NAALADL2: variants seen among roughly 807,000 people sequenced by gnomAD.
NAALADL2 encodes N-acetylated alpha-linked acidic dipeptidase like 2.
A neutral mutation model predicts 87.2 loss-of-function variants in NAALADL2; 76 were observed. The observed-to-expected ratio is 0.87, with a 90% CI of 0.72 to 1.05. The LOEUF is 1.05. Ranked by LOEUF, NAALADL2 falls within the 50% of genes least tolerant of loss-of-function variation. The pLI, the probability that NAALADL2 is intolerant of heterozygous loss-of-function variation, is 0.00. For missense variants in NAALADL2, 1,089 were observed against 945.8 expected (o/e 1.15, Z -1.99); for synonymous variants, 354 against 331.0 (o/e 1.07, Z -0.75).
intron 13 of NAALADL2, among the ~76,000 whole-genome samples, chr3:175,786,490 A>G (rs542797356): frequency 7.9e-5 from 12 of 152,088 alleles, no homozygotes; most frequent in Admixed American, 2.6e-4. Context: ...AGTTGATCGC[A>G]TCAGCTCCTG....
intron 1 of NAALADL2, among the ~76,000 whole-genome samples, chr3:174,930,629 T>TTTTTTTTTTTG (rs1736731582): frequency 7.7e-6 from 1 of 130,286 alleles, no homozygotes; most frequent in Non-Finnish European, 1.6e-5. Flanking sequence ...TTTTTTTTTT[T>TTTTTTTTTTTG]TTTTTTTTTT....
chr3:175,373,322 A>G (rs1022786660), intron 5 of NAALADL2, among the ~76,000 whole-genome samples: 2 of 152,170 alleles, frequency 1.3e-5, no homozygotes, highest in African/African-American at 4.8e-5. Context: ...CTGTCAATCC[A>G]CTGCCACCTA....
chr3:175,026,814 C>T (rs1013364433), intron 1 of NAALADL2, among the ~76,000 whole-genome samples: 2 of 151,932 alleles, frequency 1.3e-5, no homozygotes, highest in African/African-American at 4.8e-5. Context: ...AGGAACATGG[C>T]ATTAAGGATT....
chr3:174,612,254 T>A (rs1719987683), intron 2 of NAALADL2, among the ~76,000 whole-genome samples: 1 of 152,146 alleles, frequency 6.6e-6, no homozygotes, highest in Admixed American at 6.5e-5. Flanking sequence ...TATTATTAAA[T>A]GTCTTGAGGT....
At chr3:174,525,666 T>G (rs188236357) in intron 1 of NAALADL2, among the ~76,000 whole-genome samples, 1 of 152,338 alleles carries the variant, frequency 6.6e-6, no homozygotes, top group African/African-American at 2.4e-5. Flanking sequence ...AATGATGTTT[T>G]TAGATAATCC....
At chr3:174,454,136 C>A (rs182073720) in intron 1 of NAALADL2, among the ~76,000 whole-genome samples, 3 of 152,004 alleles carry the variant, frequency 2.0e-5, no homozygotes, top group African/African-American at 2.4e-5. Context: ...CAACAAAGAT[C>A]AAAAAAGACA....
At chr3:174,617,023 T>C (rs1337479605) in intron 2 of NAALADL2, among the ~76,000 whole-genome samples, 1 of 151,764 alleles carries the variant, frequency 6.6e-6, no homozygotes, top group Non-Finnish European at 1.5e-5. Flanking sequence ...ACTAAAATAA[T>C]ATGATTTGGA....
chr3:174,940,274 G>GT (rs1738380032), intron 1 of NAALADL2, among the ~76,000 whole-genome samples: 1 of 152,102 alleles, frequency 6.6e-6, no homozygotes, highest in African/African-American at 2.4e-5. Context: ...TAATCATGTG[G>GT]TTTTTGTCTT....
intron 2 of NAALADL2, among the ~76,000 whole-genome samples, chr3:175,130,892 C>G (rs1383136318): frequency 4.6e-5 from 7 of 152,112 alleles, no homozygotes; most frequent in Admixed American, 4.6e-4. Context: ...TGTTCACTGT[C>G]TTTTATGGTT....
intron 5 of NAALADL2, among the ~76,000 whole-genome samples, chr3:175,437,911 T>G (rs972633867): frequency 3.9e-5 from 6 of 152,120 alleles, no homozygotes; most frequent in African/African-American, 1.4e-4. Context: ...TTATGACACA[T>G]TAGTTAAGTA....
chr3:174,724,012 T>G (rs1047275214), intron 2 of NAALADL2, among the ~76,000 whole-genome samples: 1 of 152,124 alleles, frequency 6.6e-6, no homozygotes, highest in Admixed American at 6.5e-5. Flanking sequence ...AGAAATTCCC[T>G]TAAAATAATG....
At chr3:174,635,610 C>A (rs1459036880) in intron 2 of NAALADL2, among the ~76,000 whole-genome samples, 1 of 150,668 alleles carries the variant, frequency 6.6e-6, no homozygotes, top group Admixed American at 6.6e-5. Context: ...TCCAGCAATT[C>A]TCCTGCCTCA....
At chr3:174,642,581 T>C (rs588400) in intron 2 of NAALADL2, among the ~76,000 whole-genome samples, 31,425 of 150,432 alleles carry the variant, frequency 0.21, 3,623 homozygotes, top group African/African-American at 0.3. Flanking sequence ...AAATCAGGAT[T>C]ACCTGCACAG....
chr3:174,591,829 T>C (rs546273680), intron 2 of NAALADL2, among the ~76,000 whole-genome samples: 1 of 152,290 alleles, frequency 6.6e-6, no homozygotes, highest in Non-Finnish European at 1.5e-5. Flanking sequence ...AGTTGGTTTG[T>C]TGGTTTATGA....
chr3:175,322,182 C>T (rs939995707), intron 4 of NAALADL2, among the ~76,000 whole-genome samples: 158 of 151,076 alleles, frequency 1.0e-3, no homozygotes, highest in African/African-American at 3.6e-3. Flanking sequence ...GAAATAATGC[C>T]GCATACCTAC....
Position 174,954,026 on chromosome 3 carries a change from C to A in NAALADL2, c.43+94576C>A, listed in dbSNP as rs1740813048. On this transcript the variant is annotated intron_variant, in intron 1 of 13. Transcript: ENST00000454872. ...CCAGGTACATTTTAATGCCACCGTT[C>A]CTTGGAGTCTATTTAGATACGACTT... 2.0e-5 allele frequency among the ~76,000 whole-genome samples: 3 copies of A among 152,012 alleles called. No individual in the cohort carries two copies. The South Asian group carries it at 6.2e-4, about 32-fold the overall frequency.
At chr3:175,137,767 T>TA (rs1365393393) in intron 2 of NAALADL2, among the ~76,000 whole-genome samples, 2 of 10,870 alleles carry the variant, frequency 1.8e-4, no homozygotes, top group East Asian at 6.8e-3. Flanking sequence ...CCCAGCTAAG[T>TA]TTGTTTTGTT....
chr3:174,786,440 ACT>A (rs1716658523), intron 3 of NAALADL2, among the ~76,000 whole-genome samples: 1 of 107,716 alleles, frequency 9.3e-6, no homozygotes, highest in Non-Finnish European at 1.9e-5. Flanking sequence ...GACAGAGCAG[ACT>A]CTGTCTCAAA....
intron 1 of NAALADL2, among the ~76,000 whole-genome samples, chr3:174,916,202 A>T (rs1291845127): frequency 6.6e-6 from 1 of 152,148 alleles, no homozygotes; most frequent in African/African-American, 2.4e-5. Context: ...CATAATTAAA[A>T]AGTCAAAAAC....
Sources: allele counts gnomAD v4.1 joint callset (sites outside exome capture counted in the v4.1 genomes callset), GRCh38; gene constraint gnomAD v4.1.1; transcripts MANE v1.5; gene names NCBI Gene and HGNC (gene_info 2026-07-23, HGNC 2026-07-21).